Variants in FGF14 observed in about 807,000 individuals in gnomAD.
FGF14 encodes fibroblast growth factor homologous factor 4.
FGF14 carries 5 observed loss-of-function variants against 25.5 expected under a neutral mutation model. The observed-to-expected ratio is 0.20, with a 90% CI of 0.10 to 0.41. The LOEUF (loss-of-function observed/expected upper bound fraction) is 0.41. Ranked by LOEUF, FGF14 falls within the 10% of genes least tolerant of loss-of-function variation. FGF14 has a pLI of 1.00. For synonymous variants in FGF14, 138 were observed against 118.3 expected (o/e 1.17, Z -1.08); for missense variants, 222 against 320.1 (o/e 0.69, Z 2.34).
intron 1 of FGF14, among the ~76,000 whole-genome samples, chr13:102,083,646 C>T (rs981440010): frequency 2.0e-5 from 3 of 152,214 alleles, no homozygotes; most frequent in Admixed American, 1.3e-4. Context: ...TTTGCCTATT[C>T]AGGCTGAACC....
At position 101,722,631 on chromosome 13, in the gene FGF14, G is replaced by C. The variant is rs1007703338; in HGVS notation, c.*200C>G. Reference sequence around the variant, plus strand: ...GCATTCCATGGTCTGAGTTTAGCTGGTTATCCAGGTGTCTTCTTGTTGTGG... The same window carrying C: ...GCATTCCATGGTCTGAGTTTAGCTGCTTATCCAGGTGTCTTCTTGTTGTGG... On this transcript the variant is annotated 3_prime_UTR_variant, in exon 5 of 5. Coordinates refer to ENST00000376143, the MANE Select transcript of FGF14 (RefSeq NM_004115.4). 1 of 654,866 alleles carries C rather than the reference G, an allele frequency of 1.5e-6. No homozygotes were observed. The highest frequency in any genetic ancestry group is 1.8e-5 in the African/African-American group (1 of 55,072). The allele number at this position is 654,866 out of a possible 1,614,324, so 40.6% of individuals were successfully genotyped here. A position where few individuals can be genotyped will look rare whatever the true frequency, so the allele number is the denominator to read the frequency against.
chr13:101,927,606 C>T (rs1247130013), intron 1 of FGF14, among the ~76,000 whole-genome samples: 1 of 152,210 alleles, frequency 6.6e-6, no homozygotes, highest in Non-Finnish European at 1.5e-5. Context: ...AAAGCTGATA[C>T]TCAAATACTC....
chr13:102,043,998 T>A (rs2041864179), intron 1 of FGF14, among the ~76,000 whole-genome samples: 1 of 152,214 alleles, frequency 6.6e-6, no homozygotes, highest in South Asian at 2.1e-4. Flanking sequence ...TGGGAAGCTA[T>A]GAGTGGAACT....
intron 1 of FGF14, among the ~76,000 whole-genome samples, chr13:102,294,653 G>A (rs1431406527): frequency 6.6e-6 from 1 of 152,080 alleles, no homozygotes; most frequent in African/African-American, 2.4e-5. Flanking sequence ...ATTTCTGTTT[G>A]CCCTCCCCTC....
chr13:101,894,264 G>T lies in FGF14; in HGVS notation c.194-18968C>A, dbSNP rs12583471. Among the ~76,000 whole-genome samples, 4 of 152,242 alleles carry T rather than the reference G, an allele frequency of 2.6e-5. No individual in the cohort carries two copies. The East Asian group carries it at 7.7e-4, about 29-fold the overall frequency. ...AAGAGAAGATAGAAAAATGAAAATG[G>T]TTAGGTGAGAGAAAAGGTAAAGCTT... On this transcript the variant is annotated intron_variant, in intron 1 of 4. Transcript: ENST00000376143.
chr13:101,759,187 C>CTT (rs1292078915), intron 3 of FGF14, among the ~76,000 whole-genome samples: 1 of 152,182 alleles, frequency 6.6e-6, no homozygotes, highest in African/African-American at 2.4e-5. Flanking sequence ...CTATCCCTAA[C>CTT]TTTTCTGTCC....
At chr13:102,192,753 G>C (rs1449424133) in intron 1 of FGF14, among the ~76,000 whole-genome samples, 1 of 152,034 alleles carries the variant, frequency 6.6e-6, no homozygotes. Context: ...CTTTATAAAA[G>C]GATCACCTTT....
chr13:102,318,302 C>T (rs961617747), intron 1 of FGF14, among the ~76,000 whole-genome samples: 2 of 152,196 alleles, frequency 1.3e-5, no homozygotes, highest in African/African-American at 4.8e-5. Context: ...GGGGTCCCAA[C>T]TGCGTATCCT....
At chr13:102,049,595 C>T (rs1258068611) in intron 1 of FGF14, among the ~76,000 whole-genome samples, 1 of 152,120 alleles carries the variant, frequency 6.6e-6, no homozygotes, top group African/African-American at 2.4e-5. Context: ...AAGGTTCTAA[C>T]CACCAGTACC....
intron 3 of FGF14, among the ~76,000 whole-genome samples, chr13:101,761,471 ACTGTGGGT>A (rs1244307019): frequency 2.0e-5 from 3 of 152,194 alleles, no homozygotes; most frequent in Non-Finnish European, 2.9e-5. Context: ...ACCCCACGTG[ACTGTGGGT>A]CTCTGTCAGC....
intron 3 of FGF14, among the ~76,000 whole-genome samples, chr13:101,851,684 G>C (rs559116122): frequency 6.6e-6 from 1 of 151,884 alleles, no homozygotes; most frequent in Non-Finnish European, 1.5e-5. Context: ...CCTCCTCGTC[G>C]TCTTCATCAC....
intron 1 of FGF14, among the ~76,000 whole-genome samples, chr13:102,265,790 T>C (rs2052958935): frequency 6.6e-6 from 1 of 152,174 alleles, no homozygotes; most frequent in Non-Finnish European, 1.5e-5. Flanking sequence ...CTGAAAACAC[T>C]GAAAAGTGCT....
At chr13:101,726,574 A>T in intron 4 of FGF14, 38 bp downstream of exon 4, 2 of 1,572,930 alleles carry the variant, frequency 1.3e-6, no homozygotes, top group African/African-American at 2.7e-5. Flanking sequence ...AAAATATGTA[A>T]TAAGTCTATG....
chr13:101,726,725 T>C lies in FGF14; in HGVS notation c.494A>G (p.Gln165Arg). The C allele has an allele frequency of 6.2e-7, 1 of 1,613,284 alleles. No homozygotes were observed. ...VIYSSMLYRQ[Q>R]ESGRAWFLGL... ...CAAAAACCAGGCTCTACCAGATTCC[T>C]GTTGTCTGTACAACATGGATGAGTA... The change falls in exon 4 of 5, where the codon CAG becomes CGG. Residue 165 changes from glutamine (Q) to arginine (R), a missense_variant. Coordinates refer to ENST00000376143, the MANE Select transcript of FGF14 (RefSeq NM_004115.4).
At chr13:102,325,128 G>A (rs1259002231) in intron 1 of FGF14, among the ~76,000 whole-genome samples, 5 of 151,916 alleles carry the variant, frequency 3.3e-5, no homozygotes, top group Non-Finnish European at 5.9e-5. Context: ...GAAAATAAAA[G>A]ATGGGACCAG....
intron 1 of FGF14, among the ~76,000 whole-genome samples, chr13:101,908,481 C>T (rs947654792): frequency 2.0e-5 from 3 of 152,166 alleles, no homozygotes; most frequent in East Asian, 3.9e-4. Context: ...TTAAATAGTA[C>T]TCAATAGACA....
At chr13:102,252,431 C>A (rs2052225822) in intron 1 of FGF14, among the ~76,000 whole-genome samples, 1 of 152,162 alleles carries the variant, frequency 6.6e-6, no homozygotes, top group South Asian at 2.1e-4. Flanking sequence ...TATAGCCGTA[C>A]CTTGGTATCC....
At chr13:102,197,127 T>C (rs1235178952) in intron 1 of FGF14, among the ~76,000 whole-genome samples, 1 of 152,172 alleles carries the variant, frequency 6.6e-6, no homozygotes, top group African/African-American at 2.4e-5. Context: ...CAGGTATTCA[T>C]TTACATTTGA....
chr13:102,289,053 C>G (rs1013755440), intron 1 of FGF14, among the ~76,000 whole-genome samples: 2 of 151,984 alleles, frequency 1.3e-5, no homozygotes, highest in Non-Finnish European at 2.9e-5. Context: ...TGACCCTTTG[C>G]CTTACAACAC....
Sources: gnomAD v4.1 joint callset for allele counts (sites outside exome capture counted in the v4.1 genomes callset) on GRCh38, gnomAD v4.1.1 for gene constraint, MANE v1.5 for transcripts, NCBI Gene and HGNC (gene_info 2026-07-23, HGNC 2026-07-21) for gene names.